CCDC175: variants seen among roughly 807,000 people sequenced by gnomAD.
The protein encoded by CCDC175 is coiled-coil domain-containing protein 175.
Under a neutral mutation model 114.6 loss-of-function variants are expected in CCDC175, and 100 were observed. The observed-to-expected ratio is 0.87, with a 90% confidence interval of 0.74 to 1.03. The LOEUF is 1.03. Ranked by LOEUF, CCDC175 falls within the 50% of genes least tolerant of loss-of-function variation. The pLI, the probability that CCDC175 is intolerant of heterozygous loss-of-function variation, is 0.00. For synonymous variants in CCDC175, 306 were observed against 308.7 expected (o/e 0.99, Z 0.09); for missense variants, 880 against 917.8 (o/e 0.96, Z 0.53).
chr14:59,557,105 C>T (rs1047341131), intron 7 of CCDC175, among the ~76,000 whole-genome samples: 4 of 152,152 alleles, frequency 2.6e-5, no homozygotes, highest in African/African-American at 7.2e-5. Flanking sequence ...ACCCAGCCAT[C>T]CCATTACTGG....
intron 16 of CCDC175, among the ~76,000 whole-genome samples, chr14:59,523,862 A>G (rs1023477732): frequency 7.2e-5 from 11 of 151,954 alleles, no homozygotes; most frequent in Non-Finnish European, 1.2e-4. Flanking sequence ...GGTGGCGGGC[A>G]CCTGTAGTCC....
Position 59,525,450 on chromosome 14 carries a change from A to G in CCDC175, c.1843-16T>C, listed in dbSNP as rs1594999583. ...TTACATCTTCCTGCTCAAACAGAAA[A>G]CCCCAAATTATCTCTGAGTTCAAAC... On this transcript the variant is annotated splice_polypyrimidine_tract_variant and intron_variant, in intron 15 of 19. Coordinates refer to ENST00000537690, the MANE Select transcript of CCDC175 (RefSeq NM_001164399.2). 2 of 1,508,512 alleles carry G rather than the reference A, an allele frequency of 1.3e-6. No homozygotes were observed. Among genetic ancestry groups the G allele is most frequent in the Non-Finnish European group, 1.8e-6 (2 of 1,136,910 alleles). The allele number at this position is 1,508,512 out of a possible 1,614,324, so 93.4% of individuals were successfully genotyped here.
intron 8 of CCDC175, among the ~76,000 whole-genome samples, chr14:59,547,827 AAATT>A (rs1198608833): frequency 6.5e-4 from 99 of 152,326 alleles, no homozygotes; most frequent in African/African-American, 2.3e-3. Context: ...GACTTCATTA[AAATT>A]AATAAATTAT....
intron 11 of CCDC175, 145 bp downstream of exon 11, chr14:59,540,530 T>A: frequency 7.6e-6 from 7 of 918,214 alleles, no homozygotes; most frequent in South Asian, 1.8e-5. Flanking sequence ...TACATCTAGA[T>A]CCGAGAGAAT....
intron 8 of CCDC175, among the ~76,000 whole-genome samples, chr14:59,550,791 C>T (rs1040103157): frequency 8.5e-5 from 13 of 152,146 alleles, no homozygotes; most frequent in South Asian, 2.1e-4. Flanking sequence ...ATATCCTGGC[C>T]GCACTGGCAG....
At chr14:59,540,543 A>T in intron 11 of CCDC175, 132 bp downstream of exon 11, 1 of 1,018,536 alleles carries the variant, frequency 9.8e-7, no homozygotes, top group Non-Finnish European at 1.4e-6. Context: ...GAGAGAATTT[A>T]CACATAATTT....
chr14:59,514,480 T>C (rs573748448), intron 17 of CCDC175, among the ~76,000 whole-genome samples: 3 of 152,172 alleles, frequency 2.0e-5, no homozygotes, highest in Admixed American at 2.0e-4. Flanking sequence ...AAGGACCTGA[T>C]GGAGCTGAAA....
chr14:59,575,755 C>T (rs55835100), intron 1 of CCDC175, among the ~76,000 whole-genome samples: 2,728 of 152,224 alleles, frequency 0.018, 52 homozygotes, highest in African/African-American at 0.062. Flanking sequence ...GGTATCCACC[C>T]GCCTCGGCCT....
Position 59,539,120 on chromosome 14 carries a change from G to T in CCDC175, c.1356-280C>A, listed in dbSNP as rs1258577030. Among the ~76,000 whole-genome samples the T allele has an allele frequency of 3.3e-5, 5 of 152,226 alleles. No individual in the cohort carries two copies. The East Asian group carries it at 9.6e-4, about 29-fold the overall frequency. Reference sequence around the variant, plus strand: ...GCTTGCCTCCTTCAGGTAAAGGATAGAAATGAGGAAGGCTTGGGGCAAGTG... The same window carrying T: ...GCTTGCCTCCTTCAGGTAAAGGATATAAATGAGGAAGGCTTGGGGCAAGTG... On this transcript the variant is annotated intron_variant, in intron 11 of 19. Coordinates refer to ENST00000537690, the MANE Select transcript of CCDC175 (RefSeq NM_001164399.2).
chr14:59,544,161 GTT>G (rs199668027), intron 9 of CCDC175, among the ~76,000 whole-genome samples: 3 of 151,664 alleles, frequency 2.0e-5, no homozygotes, highest in Admixed American at 1.3e-4. Flanking sequence ...ATTGATAAGG[GTT>G]TTTTTTGTTT....
Position 59,556,312 on chromosome 14 carries a change from C to G in CCDC175, c.953+4807G>C, listed in dbSNP as rs371636926. ...AGCCCTCAGAAATAATACTACACAT[C>G]TACAACCATCTAATCTTTGACAAAC... On this transcript the variant is annotated intron_variant, in intron 7 of 19. Coordinates refer to ENST00000537690, the MANE Select transcript of CCDC175 (RefSeq NM_001164399.2). 3.3e-5 allele frequency among the ~76,000 whole-genome samples: 5 copies of G among 152,270 alleles called. No individual in the cohort carries two copies. In the East Asian group the frequency reaches 7.7e-4, roughly 24 times the overall value.
intron 10 of CCDC175, among the ~76,000 whole-genome samples, chr14:59,541,162 G>T (rs1894759349): frequency 6.6e-6 from 1 of 152,086 alleles, no homozygotes; most frequent in Non-Finnish European, 1.5e-5. Flanking sequence ...TGTATACAGA[G>T]GACATGAAGG....
intron 10 of CCDC175, among the ~76,000 whole-genome samples, chr14:59,540,999 G>T (rs370184065): frequency 6.6e-6 from 1 of 152,200 alleles, no homozygotes; most frequent in Non-Finnish European, 1.5e-5. Context: ...GGCAACTGAT[G>T]AAGGGTTACT....
rs547856690 is a variant in CCDC175 at position 59,516,495 on chromosome 14, C to A, written c.2099-4692G>T. ...AAAATGATAACTGGGATATCACCAC[C>A]GATCCCACAGAAATACAAACTACCA... On this transcript the variant is annotated intron_variant, in intron 17 of 19. Coordinates refer to ENST00000537690, the MANE Select transcript of CCDC175 (RefSeq NM_001164399.2). 3.7e-4 allele frequency among the ~76,000 whole-genome samples: 57 copies of A among 152,188 alleles called. No homozygotes were observed. The East Asian group carries it at 0.01, about 28-fold the overall frequency.
chr14:59,547,393 G>T (rs916742064), intron 8 of CCDC175, among the ~76,000 whole-genome samples: 5 of 152,094 alleles, frequency 3.3e-5, no homozygotes, highest in Admixed American at 3.3e-4. Context: ...AAAAGGTCAA[G>T]AATAGCTGGA....
intron 17 of CCDC175, among the ~76,000 whole-genome samples, chr14:59,515,792 G>A (rs907659408): frequency 2.6e-5 from 4 of 152,146 alleles, no homozygotes; most frequent in Admixed American, 2.6e-4. Context: ...TCCAGGAATT[G>A]AACTCAGCTC....
intron 8 of CCDC175, among the ~76,000 whole-genome samples, chr14:59,546,314 A>C (rs1022422660): frequency 1.3e-5 from 2 of 152,192 alleles, no homozygotes; most frequent in South Asian, 4.1e-4. Context: ...GGGACTCCAA[A>C]AAGATGGAGG....
chr14:59,559,447 A>T (rs893282649), intron 7 of CCDC175, among the ~76,000 whole-genome samples: 4 of 152,176 alleles, frequency 2.6e-5, no homozygotes, highest in African/African-American at 9.6e-5. Context: ...TGTTTTCCTC[A>T]GTATTTTGAA....
chr14:59,506,489 T>G (rs750773627), intron 19 of CCDC175, among the ~76,000 whole-genome samples: 2 of 152,076 alleles, frequency 1.3e-5, no homozygotes, highest in Admixed American at 6.5e-5. Flanking sequence ...GGTTTCACCC[T>G]GTTGGTCAGG....
Sources: allele counts gnomAD v4.1 joint callset (sites outside exome capture counted in the v4.1 genomes callset), GRCh38; gene constraint gnomAD v4.1.1; transcripts MANE v1.5; gene names NCBI Gene and HGNC (gene_info 2026-07-23, HGNC 2026-07-21).